Variants in TBC1D19 observed in about 807,000 individuals in gnomAD.
TBC1D19 encodes TBC1 domain family, member 19.
In TBC1D19, 60 loss-of-function variants were observed where a neutral mutation model predicts 89.0. The ratio of observed to expected loss-of-function variants is 0.67; its 90% confidence interval spans 0.55 to 0.84. The LOEUF (loss-of-function observed/expected upper bound fraction) is 0.84. TBC1D19 is among the 40% of genes least tolerant of loss of function. TBC1D19 has a pLI of 0.00. For synonymous variants in TBC1D19, 189 were observed against 199.7 expected (o/e 0.95, Z 0.45); for missense variants, 500 against 610.8 (o/e 0.82, Z 1.91).
intron 18 of TBC1D19, among the ~76,000 whole-genome samples, chr4:26,746,718 A>G (rs957072457): frequency 1.3e-5 from 2 of 152,182 alleles, no homozygotes; most frequent in Non-Finnish European, 2.9e-5. Flanking sequence ...CTATATATGA[A>G]TAACTATGAT....
intron 1 of TBC1D19, among the ~76,000 whole-genome samples, chr4:26,603,477 G>A (rs1740765950): frequency 6.6e-6 from 1 of 151,986 alleles, no homozygotes; most frequent in South Asian, 2.1e-4. Context: ...AAAAATTTTG[G>A]TATACTATCA....
At chr4:26,856,685 T>C in the TBC1D19 span, among the ~76,000 whole-genome samples, 15 of 152,366 alleles carry the variant, frequency 9.8e-5, no homozygotes, top group East Asian at 7.7e-4. Flanking sequence ...TTTTCAATTG[T>C]TATGATCTTT....
chr4:26,617,957 T>C (rs1032863525), intron 3 of TBC1D19, among the ~76,000 whole-genome samples: 1 of 152,220 alleles, frequency 6.6e-6, no homozygotes, highest in Non-Finnish European at 1.5e-5. Context: ...GGATGTTAGA[T>C]AATGGATACC....
chr4:26,765,376 A>G, the TBC1D19 span, among the ~76,000 whole-genome samples: 8 of 151,230 alleles, frequency 5.3e-5, no homozygotes, highest in Non-Finnish European at 1.2e-4. Context: ...CTGTGAATAG[A>G]TCTCCAGAAA....
chr4:26,638,101 C>A (rs1743248097), intron 5 of TBC1D19, among the ~76,000 whole-genome samples: 1 of 148,478 alleles, frequency 6.7e-6, no homozygotes, highest in Non-Finnish European at 1.5e-5. Context: ...TTACTCTGGG[C>A]ATTGAGGAGA....
chr4:26,681,856 C>T (rs1013672489), intron 11 of TBC1D19, among the ~76,000 whole-genome samples: 2 of 152,062 alleles, frequency 1.3e-5, no homozygotes, highest in Admixed American at 6.6e-5. Flanking sequence ...TGATATGATT[C>T]CATTTCATAT....
Position 26,748,465 on chromosome 4 carries a change from A to T in TBC1D19, c.1374A>T (p.Thr458=). ...GAGCTTTCTCTGGATACTTAGCTAC[A>T]GATCAGCTCTTGCTTTTATGGGATA... is the stretch of plus-strand genomic sequence containing the variant. ...MVRAFSGYLA[T]DQLLLLWDRI... Residue 458 remains threonine (T), a synonymous_variant, in exon 19 of 21, where the codon ACA becomes ACT. Transcript: ENST00000264866. 1 of 1,613,980 alleles carries T rather than the reference A, an allele frequency of 6.2e-7. No individual in the cohort carries two copies. The highest frequency in any genetic ancestry group is 8.5e-7 in the Non-Finnish European group (1 of 1,179,890).
chr4:26,812,809 T>C, the TBC1D19 span, among the ~76,000 whole-genome samples: 113 of 136,868 alleles, frequency 8.3e-4, no homozygotes, highest in Non-Finnish European at 1.4e-3. This position sits in a 1 kb window ranked among gnomAD's most constrained non-coding sequence, Gnocchi z 4.2. Context: ...TATACATATA[T>C]GAATGTGTGT....
the TBC1D19 span, among the ~76,000 whole-genome samples, chr4:26,840,482 A>G: frequency 6.6e-6 from 1 of 152,170 alleles, no homozygotes; most frequent in South Asian, 2.1e-4. Flanking sequence ...AGATGAGTCT[A>G]TGGTTCTCTT....
In TBC1D19 at chr4:26,648,510, C is replaced by T. The variant is rs1165031727; in HGVS notation, c.480+8323C>T. Among the ~76,000 whole-genome samples, 5 of 152,276 alleles carry T rather than the reference C, an allele frequency of 3.3e-5. 1 individual carries two copies. Among genetic ancestry groups the T allele is most frequent in the Non-Finnish European group, 5.9e-5 (4 of 68,024 alleles). Reference sequence around the variant, plus strand: ...ACCACAGGTCAGCTGTAAGTTAATCCTGTCTTTGACTGCACTGTCCCCAAG... The same window carrying T: ...ACCACAGGTCAGCTGTAAGTTAATCTTGTCTTTGACTGCACTGTCCCCAAG... On this transcript the variant is annotated intron_variant, in intron 7 of 20. Transcript: ENST00000264866.
intron 4 of TBC1D19, among the ~76,000 whole-genome samples, chr4:26,626,818 CT>C (rs71186420): frequency 9.5e-4 from 140 of 147,108 alleles, no homozygotes; most frequent in Non-Finnish European, 1.6e-3. Context: ...AGCTCAAATT[CT>C]TTTTTTTATT....
intron 18 of TBC1D19, among the ~76,000 whole-genome samples, chr4:26,747,866 T>C (rs1718735106): frequency 6.6e-6 from 1 of 152,214 alleles, no homozygotes; most frequent in Non-Finnish European, 1.5e-5. Context: ...TAAAATGAAG[T>C]GTTTGAAATC....
chr4:26,637,519 C>T (rs1473529998), intron 5 of TBC1D19, among the ~76,000 whole-genome samples: 1 of 151,994 alleles, frequency 6.6e-6, no homozygotes, highest in African/African-American at 2.4e-5. Flanking sequence ...CTACAGGCAC[C>T]CGCCACCAGG....
At chr4:26,644,781 G>C (rs1743800307) in intron 7 of TBC1D19, among the ~76,000 whole-genome samples, 1 of 152,078 alleles carries the variant, frequency 6.6e-6, no homozygotes, top group South Asian at 2.1e-4. Context: ...ACCAATAACA[G>C]GCAAACAGAG....
At chr4:26,760,818 T>G (rs1031222996), downstream of TBC1D19, among the ~76,000 whole-genome samples, 1 of 152,206 alleles carries the variant, frequency 6.6e-6, no homozygotes, top group Non-Finnish European at 1.5e-5. Context: ...CACAAATATT[T>G]TTTTCCCTAT....
the TBC1D19 span, among the ~76,000 whole-genome samples, chr4:26,767,458 C>A: frequency 6.6e-6 from 1 of 152,142 alleles, no homozygotes; most frequent in Admixed American, 6.5e-5. Flanking sequence ...AAGCCCTAAC[C>A]TCCAATGTGA....
chr4:26,807,768 A>G, the TBC1D19 span, among the ~76,000 whole-genome samples: 1 of 152,198 alleles, frequency 6.6e-6, no homozygotes, highest in Non-Finnish European at 1.5e-5. Flanking sequence ...GGTTGAAGAC[A>G]TACTTATTTA....
the TBC1D19 span, among the ~76,000 whole-genome samples, chr4:26,777,967 G>A: frequency 6.6e-6 from 1 of 152,082 alleles, no homozygotes; most frequent in Non-Finnish European, 1.5e-5. Context: ...AAGCTACTGA[G>A]GAGGCTGAGG....
At chr4:26,785,292 T>C in the TBC1D19 span, among the ~76,000 whole-genome samples, 1 of 152,218 alleles carries the variant, frequency 6.6e-6, no homozygotes, top group Non-Finnish European at 1.5e-5. Flanking sequence ...TTTTTCTTTT[T>C]AAAATTAAAC....
Sources: gnomAD v4.1 joint callset for allele counts (sites outside exome capture counted in the v4.1 genomes callset) on GRCh38, gnomAD v4.1.1 for gene constraint, Gnocchi (gnomAD v3.1) non-coding constraint, MANE v1.5 for transcripts, NCBI Gene and HGNC (gene_info 2026-07-23, HGNC 2026-07-21) for gene names.